The following PIMREG variants were observed in gnomAD, a reference collection of about 807,000 sequenced individuals.
The protein encoded by PIMREG is PICALM interacting mitotic regulator.
In PIMREG, 19 loss-of-function variants were observed where a neutral mutation model predicts 24.3. The ratio of observed to expected loss-of-function variants is 0.78; its 90% CI spans 0.54 to 1.15. The LOEUF is 1.15. Ranked by LOEUF, PIMREG falls within the 50% of genes most tolerant of loss-of-function variation. The pLI is 0.00. For missense variants in PIMREG, 283 were observed against 306.8 expected (o/e 0.92, Z 0.58); for synonymous variants, 112 against 124.1 (o/e 0.90, Z 0.65).
chr17:6,449,888 G>A (rs1267645455), intron 4 of PIMREG, 140 bp from the exon 5 acceptor site: 1 of 1,403,964 alleles, frequency 7.1e-7, no homozygotes, highest in African/African-American at 1.4e-5. Flanking sequence ...TGGGCTCTAA[G>A]GCTGGGCCCT....
In PIMREG at chr17:6,450,413, T is replaced by G. The variant is rs1913783420; in HGVS notation, c.*66T>G. 1 of 1,570,560 alleles carries G rather than the reference T, an allele frequency of 6.4e-7. No homozygotes were observed. On this transcript the variant is annotated 3_prime_UTR_variant, in exon 6 of 6. Coordinates refer to ENST00000572447, the MANE Select transcript of PIMREG (RefSeq NM_019013.3). ...GCTTCATACTCAAGGATGTCTATGCTTCCCCGTGAGCTTCCTGGAAAAAAC... is the reference window on the plus strand; with the variant it reads ...GCTTCATACTCAAGGATGTCTATGCGTCCCCGTGAGCTTCCTGGAAAAAAC...
chr17:6,449,262 C>T, intron 3 of PIMREG, 50 bp from the exon 4 acceptor site: 1 of 1,532,378 alleles, frequency 6.5e-7, no homozygotes, highest in Non-Finnish European at 8.9e-7. Context: ...CAAGGGTCTC[C>T]TGCCGGGAGT....
At chr17:6,447,419 CT>C in intron 2 of PIMREG, 43 bp from the exon 3 acceptor site, 1 of 1,588,910 alleles carries the variant, frequency 6.3e-7, no homozygotes, top group Non-Finnish European at 8.6e-7. Context: ...CCCGGCCTAA[CT>C]TTTGGTTTTG....
chr17:6,446,988 A>T (rs2150703787), intron 2 of PIMREG, among the ~76,000 whole-genome samples: 1 of 152,274 alleles, frequency 6.6e-6, no homozygotes, highest in East Asian at 1.9e-4. Context: ...TTCCATGAGG[A>T]GTCATTCACA....
rs1369377871 is a variant in PIMREG, at chr17:6,445,094, G to T, written c.-17G>T. The T allele has an allele frequency of 5.1e-6, 8 of 1,569,992 alleles. No homozygotes were observed. The highest frequency in any genetic ancestry group is 1.7e-6 in the Non-Finnish European group (2 of 1,158,372). On this transcript the variant is annotated 5_prime_UTR_variant, in exon 2 of 6. Transcript: ENST00000572447. ...TCCCCAGGGTCTAGTGGACAGAGAA[G>T]ACTCTTGGCCAGGCAGATGGCTTCT...
chr17:6,447,566 C>A lies in PIMREG; in HGVS notation c.398C>A (p.Thr133Asn), dbSNP rs779918863. 1.2e-6 allele frequency: 2 copies of A among 1,614,178 alleles called. No homozygotes were observed. Among genetic ancestry groups the A allele is most frequent in the East Asian group, 2.2e-5 (1 of 44,876 alleles). ...GCACAGAAGGGCAGTGGATCCCCAA[C>A]TCACAGCCTGAGCCAGAAGAGCACC... ...RGAQKGSGSP[T>N]HSLSQKSTRL... Residue 133 changes from threonine (T) to asparagine (N), a missense_variant, in exon 3 of 6, where the codon ACT (threonine) becomes AAT (asparagine). Thr to Asn is a moderately conservative substitution (Grantham distance 65). Coordinates refer to ENST00000572447, the MANE Select transcript of PIMREG (RefSeq NM_019013.3).
chr17:6,444,566 T>C lies in PIMREG; in HGVS notation c.-36+78T>C, dbSNP rs1251608901. On this transcript the variant is annotated intron_variant, in intron 1 of 5. Coordinates refer to ENST00000572447, the MANE Select transcript of PIMREG (RefSeq NM_019013.3). This position sits in a 1 kb window ranked among gnomAD's most constrained non-coding sequence, Gnocchi z 4.3. ...ATGGCGCGATCTGGACTCAAAACAA[T>C]TTTTTTGTTCGGAGGGGAGGGCATC... The C allele has an allele frequency of 6.5e-6, 1 of 153,792 alleles. No homozygotes were observed. Among genetic ancestry groups the C allele is most frequent in the Non-Finnish European group, 1.4e-5 (1 of 69,280 alleles). 9.5% of individuals were successfully genotyped at this position (153,792 alleles called of 1,614,324 possible). A position where few individuals can be genotyped will look rare whatever the true frequency, so the allele number is the denominator to read the frequency against.
At chr17:6,447,841 A>T in intron 3 of PIMREG, 83 bp downstream of exon 3, 1 of 1,435,264 alleles carries the variant, frequency 7.0e-7, no homozygotes, top group Non-Finnish European at 9.3e-7. Flanking sequence ...CCAGACACCA[A>T]CTGGGCCCTA....
At position 6,449,360 on chromosome 17, in the gene PIMREG, C is replaced by G. The variant is rs1327868919; in HGVS notation, c.639C>G (p.Leu213=). The change falls in exon 4 of 6, where the codon CTC becomes CTG. Residue 213 remains leucine (L), a synonymous_variant. Transcript: ENST00000572447. ...CTGTGGGGGCGGGAATTCAGCATCTCCAGAAGCTGTCCCAAGAGCTAGATG... is the reference window on the plus strand; with the variant it reads ...CTGTGGGGGCGGGAATTCAGCATCTGCAGAAGCTGTCCCAAGAGCTAGATG... The part of the protein sequence containing the change: ...LEPVGAGIQH[L]QKLSQELDEA... 2 of 1,613,526 alleles carry G rather than the reference C, an allele frequency of 1.2e-6. No homozygotes were observed. Among genetic ancestry groups the G allele is most frequent in the Non-Finnish European group, 1.7e-6 (2 of 1,179,796 alleles).
chr17:6,444,996 C>A lies in PIMREG; in HGVS notation c.-35-80C>A. The stretch of plus-strand genomic sequence containing the variant: ...CACCCCGCTGCATCCCGTCTCTTCC[C>A]CTGTGTCCAGGGTCTCTGTGGGGCC... On this transcript the variant is annotated intron_variant, in intron 1 of 5. Coordinates refer to ENST00000572447, the MANE Select transcript of PIMREG (RefSeq NM_019013.3). The surrounding 1 kb of genome is among the most constrained non-coding windows in gnomAD (Gnocchi z 4.3). The A allele has an allele frequency of 8.4e-7, 1 of 1,188,854 alleles. No individual in the cohort carries two copies. The highest frequency in any genetic ancestry group is 1.1e-6 in the Non-Finnish European group (1 of 883,690). 73.6% of individuals were successfully genotyped at this position (1,188,854 alleles called of 1,614,324 possible).
rs1238805165 is a variant in PIMREG at position 6,450,528 on chromosome 17, T to A, written c.*181T>A. ...CCTGCTCCAGCCACATCTGGACCCA[T>A]CAGTGACTGCCTGCCATAGCCTGAG... On this transcript the variant is annotated 3_prime_UTR_variant, in exon 6 of 6. Transcript: ENST00000572447. The A allele has an allele frequency of 1.8e-5, 14 of 788,550 alleles. No homozygotes were observed. Among genetic ancestry groups the A allele is most frequent in the Non-Finnish European group, 2.8e-5 (14 of 507,908 alleles). 48.8% of individuals were successfully genotyped at this position (788,550 alleles called of 1,614,324 possible).
At chr17:6,447,225 C>A (rs1236059046) in intron 2 of PIMREG, 1 of 444,964 alleles carries the variant, frequency 2.2e-6, no homozygotes, top group Non-Finnish European at 4.1e-6. Flanking sequence ...GACTCTCATG[C>A]CTCAGCCACC....
chr17:6,448,282 CAAAA>C (rs71154695), intron 3 of PIMREG, among the ~76,000 whole-genome samples: 16 of 41,306 alleles, frequency 3.9e-4, no homozygotes, highest in African/African-American at 4.7e-4. Flanking sequence ...GACCCTGTCT[CAAAA>C]AAAAAAAAAA....
intron 4 of PIMREG, 99 bp from the exon 5 acceptor site, chr17:6,449,929 C>T: frequency 6.8e-7 from 1 of 1,465,138 alleles, no homozygotes; most frequent in Non-Finnish European, 9.6e-7. Context: ...GGCCATATTC[C>T]TACCACATTT....
chr17:6,451,446 T>A lies in PIMREG; in HGVS notation c.*1099T>A, dbSNP rs538609937. 52 of 152,318 alleles carry A rather than the reference T, an allele frequency of 3.4e-4. No homozygotes were observed. Among genetic ancestry groups the A allele is most frequent in the African/African-American group, 1.2e-3 (50 of 41,558 alleles). The allele number at this position is 152,318 out of a possible 1,614,324, so 9.4% of individuals were successfully genotyped here. On this transcript the variant is annotated 3_prime_UTR_variant, in exon 6 of 6. Transcript: ENST00000572447. ...TTGTACAAGGCAGCCATAAGGAATA[T>A]AATAAACCTTTTTCACCACAGAACC...
In PIMREG at chr17:6,450,503, C is replaced by T; in HGVS notation, c.*156C>T. ...GCACCTAACAAGGGGCCCAGAGCCC[C>T]CTGCTCCAGCCACATCTGGACCCAT... On this transcript the variant is annotated 3_prime_UTR_variant, in exon 6 of 6. Coordinates refer to ENST00000572447, the MANE Select transcript of PIMREG (RefSeq NM_019013.3). 2 of 1,110,404 alleles carry T rather than the reference C, an allele frequency of 1.8e-6. No homozygotes were observed. The highest frequency in any genetic ancestry group is 2.6e-6 in the Non-Finnish European group (2 of 777,758). 68.8% of individuals were successfully genotyped at this position (1,110,404 alleles called of 1,614,324 possible).
intron 2 of PIMREG, chr17:6,445,956 T>A: frequency 2.5e-6 from 1 of 397,920 alleles, no homozygotes; most frequent in Non-Finnish European, 4.4e-6. Flanking sequence ...CTCCCAGGAA[T>A]GATCAGGAGT....
chr17:6,447,789 G>T, intron 3 of PIMREG, 31 bp downstream of exon 3: 1 of 1,557,950 alleles, frequency 6.4e-7, no homozygotes, highest in South Asian at 1.2e-5. Flanking sequence ...CCCCGGGGCT[G>T]GTGGCCTTTT....
In PIMREG at chr17:6,450,433, A is replaced by G; in HGVS notation, c.*86A>G. 2 of 1,567,178 alleles carry G rather than the reference A, an allele frequency of 1.3e-6. No homozygotes were observed. The highest frequency in any genetic ancestry group is 1.7e-6 in the Non-Finnish European group (2 of 1,164,078). ...TATGCTTCCCCGTGAGCTTCCTGGA[A>G]AAAACCCCCGGGAGTCGTCAGTACC... On this transcript the variant is annotated 3_prime_UTR_variant, in exon 6 of 6. Transcript: ENST00000572447.
Sources: gnomAD v4.1 joint callset for allele counts (sites outside exome capture counted in the v4.1 genomes callset) on GRCh38, gnomAD v4.1.1 for gene constraint, Gnocchi (gnomAD v3.1) non-coding constraint, MANE v1.5 for transcripts, NCBI Gene and HGNC (gene_info 2026-07-23, HGNC 2026-07-21) for gene names.